Variants in IPO8 observed in about 807,000 individuals in gnomAD.
IPO8 encodes importin-8.
Under a neutral mutation model 141.2 loss-of-function variants are expected in IPO8, and 65 were observed. That is an observed-to-expected ratio of 0.46 (90% CI 0.38 to 0.57). The LOEUF (loss-of-function observed/expected upper bound fraction) is 0.57, where lower values mean the gene tolerates loss of function less well. IPO8 is among the 20% of genes least tolerant of loss of function. The pLI is 0.00. For synonymous variants in IPO8, 411 were observed against 420.3 expected (o/e 0.98, Z 0.27); for missense variants, 980 against 1,246.8 (o/e 0.79, Z 3.22).
chr12:30,682,051 A>G (rs1029842172), intron 3 of IPO8, among the ~76,000 whole-genome samples: 1 of 152,202 alleles, frequency 6.6e-6, no homozygotes, highest in African/African-American at 2.4e-5. Context: ...AAACTATCTT[A>G]TCCTAAATAC....
At chr12:30,677,199 C>A in intron 5 of IPO8, 1 of 683,312 alleles carries the variant, frequency 1.5e-6, no homozygotes. Flanking sequence ...AGTCATGCAC[C>A]ACATAACAAA....
At chr12:30,659,859 CAA>C (rs71049460) in intron 16 of IPO8, among the ~76,000 whole-genome samples, 6 of 94,002 alleles carry the variant, frequency 6.4e-5, no homozygotes, top group Admixed American at 1.2e-4. Flanking sequence ...TGTCTCAAAA[CAA>C]AAAAAAAAAA....
intron 16 of IPO8, among the ~76,000 whole-genome samples, chr12:30,660,167 G>C (rs2052865676): frequency 6.6e-6 from 1 of 152,242 alleles, no homozygotes. Flanking sequence ...AGGTTGCAGT[G>C]AACCAAGATC....
At chr12:30,667,233 C>T (rs1013517640) in intron 10 of IPO8, among the ~76,000 whole-genome samples, 15 of 152,196 alleles carry the variant, frequency 9.9e-5, no homozygotes, top group Admixed American at 5.9e-4. Context: ...TGTATTATCC[C>T]ATTTAATCCT....
chr12:30,630,796 C>T lies in IPO8; in HGVS notation c.*64G>A. The T allele has an allele frequency of 1.5e-6, 2 of 1,331,258 alleles. No individual in the cohort carries two copies. Among genetic ancestry groups the T allele is most frequent in the Non-Finnish European group, 2.1e-6 (2 of 931,026 alleles). The allele number at this position is 1,331,258 out of a possible 1,614,324, so 82.5% of individuals were successfully genotyped here. A position where few individuals can be genotyped will look rare whatever the true frequency, so the allele number is the denominator to read the frequency against. ...GCAGCCCCTCATTTCATCCCCTTGACCCTCACACTCCTCTTGTGAAATAAA... is the reference window on the plus strand; with the variant it reads ...GCAGCCCCTCATTTCATCCCCTTGATCCTCACACTCCTCTTGTGAAATAAA... On this transcript the variant is annotated 3_prime_UTR_variant, in exon 25 of 25. Transcript: ENST00000256079.
At chr12:30,637,881 A>G (rs2052523912) in intron 21 of IPO8, among the ~76,000 whole-genome samples, 1 of 152,252 alleles carries the variant, frequency 6.6e-6, no homozygotes, top group South Asian at 2.1e-4. Context: ...TGAATAAAAA[A>G]TTCACTTGCA....
intron 20 of IPO8, among the ~76,000 whole-genome samples, chr12:30,640,583 A>G (rs2136128690): frequency 6.6e-6 from 1 of 152,310 alleles, no homozygotes; most frequent in East Asian, 1.9e-4. Context: ...CTCTACGTCT[A>G]CTTATGCTGA....
Position 30,663,621 on chromosome 12 carries a change from T to C in IPO8, c.1462A>G (p.Lys488Glu), listed in dbSNP as rs751177659. 1 of 1,611,908 alleles carries C rather than the reference T, an allele frequency of 6.2e-7. No homozygotes were observed. The highest frequency in any genetic ancestry group is 8.5e-7 in the Non-Finnish European group (1 of 1,179,646). The change falls in exon 14 of 25, where the codon AAG becomes GAG. Residue 488 changes from lysine to glutamate, a missense_variant. By Grantham distance (56) the Lys-to-Glu change is moderately conservative. This residue lies in a region of IPO8 where 924 missense variants were observed against 1,153.9 expected (regional missense o/e 0.80). Coordinates refer to ENST00000256079, the MANE Select transcript of IPO8 (RefSeq NM_006390.4). ...CTTAGATTGAGCTCATTATGGAACT[T>C]CAAAGAACTAAATGCATGAAGTACC... ...CWVLHAFSSL[K>E]FHNELNLRNA...
rs2053095312 is a variant in IPO8 at position 30,674,681 on chromosome 12, T to C, written c.802A>G (p.Ile268Val). Residue 268 changes from isoleucine (I) to valine (V), a missense_variant, in exon 7 of 25, where the codon ATT becomes GTT. Physicochemically the swap from Ile to Val is conservative, Grantham distance 29. Around this residue, in one of 3 missense-constraint regions of IPO8, gnomAD observed 924 missense variants for 1,153.9 expected, o/e 0.80. Transcript: ENST00000256079. ...WWKCKKWALH[I>V]VARLFERYGS... ...TACCGTTCAAAGAGCCGAGCTACAA[T>C]ATGCAGTGCCCACTTCTTACACTTC... The C allele has an allele frequency of 6.2e-7, 1 of 1,612,454 alleles. No homozygotes were observed. Among genetic ancestry groups the C allele is most frequent in the Non-Finnish European group, 8.5e-7 (1 of 1,178,662 alleles).
intron 24 of IPO8, 103 bp from the exon 25 acceptor site, chr12:30,631,060 C>A: frequency 1.3e-6 from 1 of 745,950 alleles, no homozygotes; most frequent in Non-Finnish European, 2.2e-6. Context: ...ATGCTTAGAA[C>A]TGTGAAAGAA....
chr12:30,663,446 T>A (rs760586843), intron 14 of IPO8, 43 bp downstream of exon 14: 1 of 1,518,628 alleles, frequency 6.6e-7, no homozygotes, highest in Non-Finnish European at 9.0e-7. Flanking sequence ...AGAAAGTAAA[T>A]GAAATTATTT....
intron 20 of IPO8, among the ~76,000 whole-genome samples, chr12:30,642,091 G>A (rs933690956): frequency 6.6e-6 from 1 of 152,076 alleles, no homozygotes; most frequent in African/African-American, 2.4e-5. Context: ...AGCTACTCGG[G>A]AGGCTGAGGC....
intron 11 of IPO8, 46 bp from the exon 12 acceptor site, chr12:30,665,891 T>C (rs1310567842): frequency 1.9e-5 from 25 of 1,285,226 alleles, no homozygotes; most frequent in Non-Finnish European, 2.7e-5. Context: ...ACTTTCATTG[T>C]CTTACTATAG....
chr12:30,660,635 A>G (rs2052871439), intron 16 of IPO8, among the ~76,000 whole-genome samples: 1 of 152,208 alleles, frequency 6.6e-6, no homozygotes, highest in African/African-American at 2.4e-5. Flanking sequence ...TCTTATCCCA[A>G]TAACACTTTG....
chr12:30,681,105 T>C (rs1391138155), intron 4 of IPO8, among the ~76,000 whole-genome samples: 4 of 152,170 alleles, frequency 2.6e-5, no homozygotes, highest in African/African-American at 9.6e-5. Context: ...ATCTAAAATA[T>C]GTTCTATAAA....
chr12:30,656,680 TTACCAATTAC>T lies in IPO8; in HGVS notation c.1942_1948+3del. 1 of 1,527,554 alleles carries T rather than the reference TTACCAATTAC, an allele frequency of 6.5e-7. No individual in the cohort carries two copies. Among genetic ancestry groups the T allele is most frequent in the Non-Finnish European group, 8.9e-7 (1 of 1,121,236 alleles). The allele number at this position is 1,527,554 out of a possible 1,614,324, so 94.6% of individuals were successfully genotyped here. On this transcript the variant is annotated splice_donor_variant and splice_donor_region_variant and coding_sequence_variant and intron_variant, in exon 17 of 25. Transcript: ENST00000256079. LOFTEE classifies it high-confidence loss of function. ...TTATCTTTTTATTTAACCTTTGAAC[TTACCAATTAC>T]ATGTTTCTGCAGAACAAGATCAATG...
At chr12:30,635,641 G>T (rs2052491196) in intron 22 of IPO8, among the ~76,000 whole-genome samples, 1 of 151,984 alleles carries the variant, frequency 6.6e-6, no homozygotes, top group Non-Finnish European at 1.5e-5. Flanking sequence ...AGATAAGAGA[G>T]AAATCCTGGA....
chr12:30,652,263 C>T lies in IPO8; in HGVS notation c.2101G>A (p.Val701Met). The change falls in exon 19 of 25, where the codon GTG becomes ATG. Residue 701 changes from valine (V) to methionine (M), a missense_variant. This residue lies in a region of IPO8 where 924 missense variants were observed against 1,153.9 expected (regional missense o/e 0.80). Coordinates refer to ENST00000256079, the MANE Select transcript of IPO8 (RefSeq NM_006390.4). ...TDMMPLLHNY[V>M]TIDTDTLLSN... ...AGTAAGGTATCTGTATCTATTGTCA[C>T]ATAATTATGCAGGAGAGGCATCATG... The T allele has an allele frequency of 1.2e-6, 2 of 1,601,226 alleles. No individual in the cohort carries two copies. The highest frequency in any genetic ancestry group is 8.5e-7 in the Non-Finnish European group (1 of 1,170,350).
chr12:30,632,082 A>T, intron 23 of IPO8, 71 bp from the exon 24 acceptor site: 1 of 963,594 alleles, frequency 1.0e-6, no homozygotes, highest in East Asian at 2.4e-5. Flanking sequence ...TAGTAACATG[A>T]TCAAATTACA....
Sources: gnomAD v4.1 joint callset for allele counts (sites outside exome capture counted in the v4.1 genomes callset) on GRCh38, gnomAD v4.1.1 for gene constraint, gnomAD v4.1.1 regional missense constraint, MANE v1.5 for transcripts, NCBI Gene and HGNC (gene_info 2026-07-23, HGNC 2026-07-21) for gene names.